The following AKAP12 variants were observed in gnomAD, a reference collection of about 807,000 sequenced individuals.
AKAP12 encodes the protein A-kinase anchoring protein 12, also known as A-kinase anchor protein 12.
AKAP12 carries 32 observed loss-of-function variants against 79.9 expected under a neutral mutation model. That is an observed-to-expected ratio of 0.40 (90% CI 0.30 to 0.54). The LOEUF (loss-of-function observed/expected upper bound fraction) is 0.54. Ranked by LOEUF, AKAP12 falls within the 20% of genes least tolerant of loss-of-function variation. The pLI, the probability that AKAP12 is intolerant of heterozygous loss-of-function variation, is 0.48. For missense variants in AKAP12, 2,074 were observed against 2,177.0 expected (o/e 0.95, Z 0.94); for synonymous variants, 808 against 857.0 (o/e 0.94, Z 1.00).
chr6:151,340,591 G>T (rs1461286553), intron 3 of AKAP12, among the ~76,000 whole-genome samples: 1 of 151,338 alleles, frequency 6.6e-6, no homozygotes, highest in Non-Finnish European at 1.5e-5. Flanking sequence ...GGCTCTGTAA[G>T]TGATGGCTTT....
intron 2 of AKAP12, among the ~76,000 whole-genome samples, chr6:151,279,647 C>T (rs557466993): frequency 2.6e-5 from 4 of 152,048 alleles, no homozygotes; most frequent in East Asian, 3.9e-4. Flanking sequence ...TAACACTGCT[C>T]GGTGAGGCAT....
At chr6:151,331,843 C>A (rs1264519771) in intron 3 of AKAP12, among the ~76,000 whole-genome samples, 1 of 146,196 alleles carries the variant, frequency 6.8e-6, no homozygotes, top group Non-Finnish European at 1.5e-5. Flanking sequence ...CAAGATTGCA[C>A]CAACGCACTC....
chr6:151,261,681 C>T (rs1188465841), intron 2 of AKAP12, among the ~76,000 whole-genome samples: 1 of 151,570 alleles, frequency 6.6e-6, no homozygotes. Flanking sequence ...AGCCTGTCGA[C>T]AGAGCCAGAC....
chr6:151,247,091 C>T (rs371109049), intron 2 of AKAP12, among the ~76,000 whole-genome samples: 1 of 151,874 alleles, frequency 6.6e-6, no homozygotes, highest in Non-Finnish European at 1.5e-5. Flanking sequence ...CCATGCCCTG[C>T]CCAATTAATT....
rs1778484229 is a variant in AKAP12, at chr6:151,357,993, AGCT to A, written c.*2283_*2285del. ...CCATCACAGTTGCGATTCCATGAGT[AGCT>A]GCTTTATGACTGCTTTTTGTACTAT... On this transcript the variant is annotated 3_prime_UTR_variant, in exon 5 of 5. Coordinates refer to ENST00000402676, the MANE Select transcript of AKAP12 (RefSeq NM_005100.4). 6.6e-6 allele frequency: 1 copy of A among 152,128 alleles called. No individual in the cohort carries two copies. The highest frequency in any genetic ancestry group is 2.4e-5 in the African/African-American group (1 of 41,418). The allele number at this position is 152,128 out of a possible 1,614,324, so 9.4% of individuals were successfully genotyped here. A position where few individuals can be genotyped will look rare whatever the true frequency, so the allele number is the denominator to read the frequency against.
chr6:151,260,654 T>C (rs1184699401), intron 2 of AKAP12, among the ~76,000 whole-genome samples: 1 of 152,090 alleles, frequency 6.6e-6, no homozygotes, highest in East Asian at 1.9e-4. Context: ...GCTCTTTGAG[T>C]TTGGATGCAG....
intron 2 of AKAP12, among the ~76,000 whole-genome samples, chr6:151,249,394 G>T (rs1797133724): frequency 1.3e-5 from 2 of 152,208 alleles, no homozygotes; most frequent in South Asian, 2.1e-4. Context: ...TGCCAAGGCT[G>T]GTCTCGAACT....
chr6:151,250,671 T>C, intron 2 of AKAP12, among the ~76,000 whole-genome samples: 1 of 150,570 alleles, frequency 6.6e-6, no homozygotes, highest in African/African-American at 2.4e-5. Context: ...AGTGGCGCGA[T>C]CTCGGCTCAC....
intron 2 of AKAP12, among the ~76,000 whole-genome samples, chr6:151,264,878 G>A (rs955828367): frequency 6.6e-6 from 1 of 151,592 alleles, no homozygotes; most frequent in African/African-American, 2.4e-5. Context: ...TTGGCCGGGC[G>A]CAGTGGCTCT....
intron 2 of AKAP12, among the ~76,000 whole-genome samples, chr6:151,253,721 CT>C (rs35030000): frequency 0.5 from 75,251 of 150,780 alleles, 19,033 homozygotes; most frequent in Middle Eastern, 0.57. Flanking sequence ...TCACAAATGA[CT>C]TTTTTTTTTG....
intron 2 of AKAP12, among the ~76,000 whole-genome samples, chr6:151,270,305 G>T (rs1434274188): frequency 6.6e-6 from 1 of 152,182 alleles, no homozygotes; most frequent in Non-Finnish European, 1.5e-5. Context: ...TGATCTGCCC[G>T]CCTCGGCCTC....
At chr6:151,260,667 C>A (rs537030675) in intron 2 of AKAP12, among the ~76,000 whole-genome samples, 1 of 152,154 alleles carries the variant, frequency 6.6e-6, no homozygotes, top group African/African-American at 2.4e-5. Context: ...GGATGCAGAT[C>A]GTACGTCTGA....
chr6:151,293,723 T>G (rs1776665456), intron 2 of AKAP12, among the ~76,000 whole-genome samples: 1 of 152,190 alleles, frequency 6.6e-6, no homozygotes, highest in African/African-American at 2.4e-5. Context: ...CTCTGAAGCT[T>G]AAGGAGAGAG....
chr6:151,318,772 CA>C (rs528602610), intron 3 of AKAP12, among the ~76,000 whole-genome samples: 1,863 of 151,836 alleles, frequency 0.012, 41 homozygotes, highest in African/African-American at 0.043. Flanking sequence ...CCCGTCTCTA[CA>C]AAAAAATAAA....
At chr6:151,312,949 G>A (rs950514211) in intron 3 of AKAP12, among the ~76,000 whole-genome samples, 5 of 152,272 alleles carry the variant, frequency 3.3e-5, no homozygotes, top group African/African-American at 9.6e-5. Context: ...GTAGCGCTCA[G>A]CAAATATATG....
chr6:151,329,316 ATGT>A (rs531013314), intron 3 of AKAP12, among the ~76,000 whole-genome samples: 15 of 152,220 alleles, frequency 9.9e-5, no homozygotes, highest in African/African-American at 3.4e-4. Context: ...AGGTTTCGCC[ATGT>A]TGGCCAGGCT....
rs373506742 is a variant in AKAP12, at chr6:151,259,511, T to TACACACAC, written c.162+18814_162+18821dup. Among the ~76,000 whole-genome samples the TACACACAC allele has an allele frequency of 6.2e-3, 630 of 101,106 alleles. 9 individuals are homozygous for TACACACAC. The highest frequency in any genetic ancestry group is 0.019 in the African/African-American group (507 of 26,366). The allele number at this position is 101,106 out of a possible 152,430, so 66.3% of individuals were successfully genotyped here. A position where few individuals can be genotyped will look rare whatever the true frequency, so the allele number is the denominator to read the frequency against. ...ACACACATATACATGTATATATATA[T>TACACACAC]ACACACACACACACACACACACACA... is the stretch of plus-strand genomic sequence containing the variant. On this transcript the variant is annotated intron_variant, in intron 2 of 4. Coordinates refer to ENST00000402676, the MANE Select transcript of AKAP12 (RefSeq NM_005100.4).
rs6905005 is a variant in AKAP12, at chr6:151,354,618, C to T, written c.*12+866C>T. Among the ~76,000 whole-genome samples the T allele has an allele frequency of 3.2e-3, 482 of 152,216 alleles. 5 individuals carry two copies. Among genetic ancestry groups the T allele is most frequent in the African/African-American group, 0.011 (441 of 41,526 alleles). Reference sequence around the variant, plus strand: ...CGATCTCCTGACCTCGTGATCCGCCCGCCTTGGCCTCCCAAAGTGCTGGGA... The same window carrying T: ...CGATCTCCTGACCTCGTGATCCGCCTGCCTTGGCCTCCCAAAGTGCTGGGA... On this transcript the variant is annotated intron_variant, in intron 4 of 4. Transcript: ENST00000402676.
chr6:151,305,197 T>C (rs1318588189), intron 2 of AKAP12, among the ~76,000 whole-genome samples: 2 of 151,592 alleles, frequency 1.3e-5, no homozygotes, highest in Non-Finnish European at 2.9e-5. Flanking sequence ...AAAACCTACT[T>C]GATTCATTCT....
Sources: allele counts gnomAD v4.1 joint callset (sites outside exome capture counted in the v4.1 genomes callset), GRCh38; gene constraint gnomAD v4.1.1; transcripts MANE v1.5; gene names NCBI Gene and HGNC (gene_info 2026-07-23, HGNC 2026-07-21).